Variants in CNOT4 observed in about 807,000 individuals in gnomAD.
CNOT4 encodes CCR4-NOT transcription complex subunit 4, also known as CCR4-associated factor 4.
A neutral mutation model predicts 73.8 loss-of-function variants in CNOT4; 8 were observed. The observed-to-expected ratio is 0.11, with a 90% CI of 0.06 to 0.20. CNOT4 has a LOEUF of 0.20. Ranked by LOEUF, CNOT4 falls within the 10% of genes least tolerant of loss-of-function variation. The pLI is 1.00. For synonymous variants in CNOT4, 293 were observed against 321.1 expected, an observed-to-expected ratio of 0.91 and a Z score of 0.94; for missense variants, 564 against 883.4, an observed-to-expected ratio of 0.64 and a Z score of 4.58.
chr7:135,418,534 AGATG>A (rs576227558), intron 3 of CNOT4, among the ~76,000 whole-genome samples: 16 of 152,230 alleles, frequency 1.1e-4, no homozygotes, highest in Non-Finnish European at 2.4e-4. Flanking sequence ...CTTGGTAATC[AGATG>A]GATGAATGAG....
rs1049250943 is a variant in CNOT4 at position 135,398,108 on chromosome 7, T to G, written c.879+61A>C. ...AGTATTTTTAGAAAATTCACCTGCATGGAATACCTTGCTTTCGGAGTATGG... is the reference window on the plus strand; with the variant it reads ...AGTATTTTTAGAAAATTCACCTGCAGGGAATACCTTGCTTTCGGAGTATGG... On this transcript the variant is annotated intron_variant, in intron 8 of 11. Transcript: ENST00000541284. The G allele has an allele frequency of 1.0e-4, 90 of 893,428 alleles. No homozygotes were observed. The African/African-American group carries it at 1.3e-3, about 13-fold the overall frequency. 55.3% of individuals were successfully genotyped at this position (893,428 alleles called of 1,614,324 possible). A position where few individuals can be genotyped will look rare whatever the true frequency, so the allele number is the denominator to read the frequency against.
intron 2 of CNOT4, among the ~76,000 whole-genome samples, chr7:135,425,644 T>C (rs190601624): frequency 3.6e-4 from 55 of 152,262 alleles, no homozygotes; most frequent in Admixed American, 9.2e-4. Flanking sequence ...CCTCCAAATA[T>C]ATCTTATTCC....
chr7:135,384,665 C>T (rs1178488638), intron 10 of CNOT4: 2 of 765,170 alleles, frequency 2.6e-6, no homozygotes, highest in African/African-American at 3.4e-5. Flanking sequence ...TATTATCCTA[C>T]TGAATGAGCC....
At chr7:135,437,512 A>G (rs1799229157) in intron 2 of CNOT4, among the ~76,000 whole-genome samples, 3 of 152,312 alleles carry the variant, frequency 2.0e-5, no homozygotes, top group South Asian at 4.1e-4. Context: ...CAATAATACA[A>G]TAGTTCAGAA....
rs941360011 is a variant in CNOT4 at position 135,393,161 on chromosome 7, T to C, written c.1627+757A>G. Reference sequence around the variant, plus strand: ...GAATAATTCCCTTGGATATAGAAGATACTTCATCTAAAAAATGTTATATAG... The same window carrying C: ...GAATAATTCCCTTGGATATAGAAGACACTTCATCTAAAAAATGTTATATAG... On this transcript the variant is annotated intron_variant, in intron 10 of 11. Coordinates refer to ENST00000541284, the MANE Select transcript of CNOT4 (RefSeq NM_001190850.2). Among the ~76,000 whole-genome samples the C allele has an allele frequency of 2.6e-5, 4 of 152,192 alleles. No individual in the cohort carries two copies. The South Asian group carries it at 8.3e-4, about 31-fold the overall frequency.
intron 1 of CNOT4, among the ~76,000 whole-genome samples, chr7:135,460,177 A>G (rs189063115): frequency 2.3e-4 from 35 of 152,346 alleles, no homozygotes; most frequent in Non-Finnish European, 4.4e-4. Context: ...AGACGACTCA[A>G]ACTTTCTCCA....
intron 2 of CNOT4, among the ~76,000 whole-genome samples, chr7:135,428,978 G>A (rs1798666714): frequency 6.6e-6 from 1 of 151,980 alleles, no homozygotes; most frequent in Non-Finnish European, 1.5e-5. Flanking sequence ...TCTGTACAAA[G>A]TTATACACAC....
chr7:135,399,778 T>C (rs1796905903), intron 7 of CNOT4, among the ~76,000 whole-genome samples: 1 of 152,098 alleles, frequency 6.6e-6, no homozygotes. Flanking sequence ...TGAAATTTAC[T>C]TGAAGAGCAT....
At chr7:135,393,509 C>T (rs919784700) in intron 10 of CNOT4, among the ~76,000 whole-genome samples, 1 of 152,090 alleles carries the variant, frequency 6.6e-6, no homozygotes, top group Non-Finnish European at 1.5e-5. Flanking sequence ...CTTTATCCCT[C>T]ATGCTCTCAT....
chr7:135,426,330 C>T lies in CNOT4; in HGVS notation c.175-3977G>A, dbSNP rs142472858. Among the ~76,000 whole-genome samples, 346 of 152,212 alleles carry T rather than the reference C, an allele frequency of 2.3e-3. 12 individuals are homozygous for T. In the East Asian group the frequency reaches 0.054, roughly 24 times the overall value. The stretch of plus-strand genomic sequence containing the variant: ...TAAAGAAAAATACAAAGGCTGGGCA[C>T]GGTGGCTCACGCCTGTAATCCCAGC... On this transcript the variant is annotated intron_variant, in intron 2 of 11. Coordinates refer to ENST00000541284, the MANE Select transcript of CNOT4 (RefSeq NM_001190850.2).
intron 10 of CNOT4, among the ~76,000 whole-genome samples, chr7:135,381,790 G>C (rs796912773): frequency 6.6e-6 from 1 of 152,074 alleles, no homozygotes; most frequent in Non-Finnish European, 1.5e-5. Context: ...AATTTCACCC[G>C]CTATAAAAAA....
intron 1 of CNOT4, among the ~76,000 whole-genome samples, chr7:135,471,093 G>A (rs1158661652): frequency 1.3e-5 from 2 of 152,120 alleles, no homozygotes; most frequent in Non-Finnish European, 2.9e-5. Context: ...TTCGGCTGGT[G>A]GTGAAGACTT....
At chr7:135,385,236 CTCT>C (rs1289319017) in intron 10 of CNOT4, among the ~76,000 whole-genome samples, 2 of 152,218 alleles carry the variant, frequency 1.3e-5, no homozygotes, top group Non-Finnish European at 2.9e-5. Flanking sequence ...CAAGACTAAA[CTCT>C]TCTTCTGGTT....
intron 1 of CNOT4, among the ~76,000 whole-genome samples, chr7:135,483,273 G>C (rs963669851): frequency 2.0e-5 from 3 of 151,662 alleles, no homozygotes; most frequent in African/African-American, 7.3e-5. Context: ...AGGAGGTCAA[G>C]GCTACAGTGA....
At chr7:135,384,762 A>C (rs1796037006) in intron 10 of CNOT4, 4 of 763,558 alleles carry the variant, frequency 5.2e-6, no homozygotes, top group Non-Finnish European at 2.4e-6. Flanking sequence ...CTTCTCCCTT[A>C]TATTAAAGCA....
At chr7:135,381,183 T>C (rs1434981953) in intron 10 of CNOT4, among the ~76,000 whole-genome samples, 3 of 152,200 alleles carry the variant, frequency 2.0e-5, no homozygotes. Flanking sequence ...TGAATAGACA[T>C]AGGTCAAGGT....
chr7:135,459,407 C>A (rs1479822958), intron 1 of CNOT4, among the ~76,000 whole-genome samples: 1 of 152,138 alleles, frequency 6.6e-6, no homozygotes, highest in African/African-American at 2.4e-5. Flanking sequence ...CACAATTGAT[C>A]GTTAAGTCTA....
chr7:135,478,067 G>A (rs1802108408), intron 1 of CNOT4, among the ~76,000 whole-genome samples: 1 of 152,004 alleles, frequency 6.6e-6, no homozygotes, highest in Non-Finnish European at 1.5e-5. Flanking sequence ...ATATTTATAT[G>A]TATTACTATA....
chr7:135,424,796 A>G (rs915205673), intron 2 of CNOT4, among the ~76,000 whole-genome samples: 2 of 150,090 alleles, frequency 1.3e-5, no homozygotes, highest in African/African-American at 4.9e-5. Flanking sequence ...CTCAAAAACA[A>G]ACAAACAAAC....
Sources: allele counts gnomAD v4.1 joint callset (sites outside exome capture counted in the v4.1 genomes callset), GRCh38; gene constraint gnomAD v4.1.1; transcripts MANE v1.5; gene names NCBI Gene and HGNC (gene_info 2026-07-23, HGNC 2026-07-21).